The following SLCO2B1 variants were observed in gnomAD, a reference collection of about 807,000 sequenced individuals.
SLCO2B1 encodes solute carrier organic anion transporter family member 2B1, also known as OATP-RP2.
Under a neutral mutation model 67.3 loss-of-function variants are expected in SLCO2B1, and 41 were observed. That is an observed-to-expected ratio of 0.61 (90% confidence interval 0.47 to 0.79). The LOEUF (loss-of-function observed/expected upper bound fraction) is 0.79. SLCO2B1 is among the 30% of genes least tolerant of loss of function. The probability of loss-of-function intolerance (pLI) is 0.00; values close to 1 mark genes in which losing one functional copy is unlikely to be tolerated. For missense variants in SLCO2B1, 837 were observed against 920.1 expected (o/e 0.91, Z 1.17); for synonymous variants, 379 against 381.4 (o/e 0.99, Z 0.07).
intron 2 of SLCO2B1, 199 bp downstream of exon 2, chr11:75,162,984 T>G: frequency 1.8e-6 from 1 of 556,884 alleles, no homozygotes; most frequent in Non-Finnish European, 3.1e-6. Flanking sequence ...CAGTACATGT[T>G]CGCTCCTCCC....
At position 75,164,051 on chromosome 11, in the gene SLCO2B1, G is replaced by T; in HGVS notation, c.236G>T (p.Arg79Leu). 6.2e-6 allele frequency: 10 copies of T among 1,607,594 alleles called. No homozygotes were observed. The highest frequency in any genetic ancestry group is 7.6e-6 in the Non-Finnish European group (9 of 1,177,216). Residue 79 changes from arginine to leucine, a missense_variant, in exon 3 of 14, where the codon CGC (arginine) becomes CTC (leucine). Transcript: ENST00000289575. ...LKSSISTVEK[R>L]FGLSSQTSGL... ...AGCTCCATCTCCACAGTGGAGAAGC[G>T]CTTCGGCCTCTCCAGCCAGACGTCG...
rs1458186729 is a variant in SLCO2B1 at position 75,173,278 on chromosome 11, G to A, written c.972+709G>A. ...TCTGGGAAGACTTCCCTGAAGAGGAGGGATTTCAGCTGGACTTTGAAGGAT... is the reference window on the plus strand; with the variant it reads ...TCTGGGAAGACTTCCCTGAAGAGGAAGGATTTCAGCTGGACTTTGAAGGAT... On this transcript the variant is annotated intron_variant, in intron 7 of 13. Coordinates refer to ENST00000289575, the MANE Select transcript of SLCO2B1 (RefSeq NM_007256.5). Among the ~76,000 whole-genome samples, 4 of 152,240 alleles carry A rather than the reference G, an allele frequency of 2.6e-5. No homozygotes were observed. The East Asian group carries it at 7.7e-4, about 29-fold the overall frequency.
At chr11:75,201,985 G>A (rs1220560104) in intron 11 of SLCO2B1, 1 of 152,050 alleles carries the variant, frequency 6.6e-6, no homozygotes, top group Non-Finnish European at 1.5e-5. Context: ...AGCTACTAGG[G>A]GCTGCTCACC....
chr11:75,170,895 G>A (rs975355880), intron 6 of SLCO2B1, among the ~76,000 whole-genome samples: 3 of 152,178 alleles, frequency 2.0e-5, no homozygotes, highest in South Asian at 2.1e-4. Context: ...CCAGGCAGAC[G>A]GGGTATCTCC....
intron 1 of SLCO2B1, 78 bp from the exon 2 acceptor site, chr11:75,162,577 G>A: frequency 6.7e-7 from 1 of 1,488,150 alleles, no homozygotes; most frequent in Non-Finnish European, 9.1e-7. Context: ...TGGTTCTGAG[G>A]TCTAGGGCTA....
At chr11:75,177,669 T>G (rs562000398) in intron 7 of SLCO2B1, among the ~76,000 whole-genome samples, 39 of 152,274 alleles carry the variant, frequency 2.6e-4, no homozygotes, top group African/African-American at 9.4e-4. Context: ...CTGGCAACCT[T>G]CACTTAACCC....
Position 75,193,285 on chromosome 11 carries a change from A to G in SLCO2B1, c.1143A>G (p.Val381=), listed in dbSNP as rs202195350. 2 of 1,613,890 alleles carry G rather than the reference A, an allele frequency of 1.2e-6. No individual in the cohort carries two copies. The highest frequency in any genetic ancestry group is 3.3e-5 in the Admixed American group (2 of 60,010). Reference sequence around the variant, plus strand: ...TCCTGCTGGTGGTCCTGTCCCAGGTATGCTTGTCATCCATGGCTGCGGGCA... The same window carrying G: ...TCCTGCTGGTGGTCCTGTCCCAGGTGTGCTTGTCATCCATGGCTGCGGGCA... ...PIFLLVVLSQ[V]CLSSMAAGMA... The change falls in exon 9 of 14, where the codon GTA becomes GTG. Residue 381 remains valine, a synonymous_variant. Transcript: ENST00000289575. The surrounding 1 kb of genome is among the most constrained non-coding windows in gnomAD (Gnocchi z 4.2).
intron 11 of SLCO2B1, chr11:75,202,595 G>C: frequency 2.6e-6 from 1 of 389,114 alleles, no homozygotes; most frequent in Non-Finnish European, 4.7e-6. Flanking sequence ...GTAGGAGTAA[G>C]GGGAGAATTT....
At chr11:75,165,257 C>T (rs901535596) in intron 3 of SLCO2B1, among the ~76,000 whole-genome samples, 2 of 152,046 alleles carry the variant, frequency 1.3e-5, no homozygotes, top group Admixed American at 1.3e-4. Flanking sequence ...CATGGTGAAA[C>T]CCCGTCTCTA....
intron 10 of SLCO2B1, chr11:75,199,938 G>A: frequency 2.2e-6 from 1 of 448,060 alleles, no homozygotes. Context: ...GTGGGGGAAT[G>A]ATGCTCTCCT....
In SLCO2B1 at chr11:75,177,279, A is replaced by G. The variant is rs1950037186; in HGVS notation, c.972+4710A>G. 2.6e-5 allele frequency among the ~76,000 whole-genome samples: 4 copies of G among 152,182 alleles called. No homozygotes were observed. The South Asian group carries it at 8.3e-4, about 32-fold the overall frequency. On this transcript the variant is annotated intron_variant, in intron 7 of 13. Coordinates refer to ENST00000289575, the MANE Select transcript of SLCO2B1 (RefSeq NM_007256.5). The stretch of plus-strand genomic sequence containing the variant: ...TCTAAAGAATAAGATTTCAGTTGGG[A>G]AAAGGGTTCTGTTCCTAAAAACCAG...
At chr11:75,162,841 G>C in intron 2 of SLCO2B1, 56 bp downstream of exon 2, 1 of 1,570,094 alleles carries the variant, frequency 6.4e-7, no homozygotes, top group Non-Finnish European at 8.6e-7. Context: ...GCTCTGCCAC[G>C]TGCTGGTGGT....
intron 8 of SLCO2B1, among the ~76,000 whole-genome samples, chr11:75,190,281 AG>A (rs1348169786): frequency 6.6e-6 from 1 of 152,246 alleles, no homozygotes; most frequent in Admixed American, 6.5e-5. Context: ...GAATCAGGGC[AG>A]GGGTGCCCTC....
chr11:75,200,047 C>T (rs187569551), intron 10 of SLCO2B1, 177 bp from the exon 11 acceptor site: 3 of 594,898 alleles, frequency 5.0e-6, no homozygotes, highest in East Asian at 6.0e-5. Context: ...CCTTGAGGTG[C>T]CTGCTCCTCA....
intron 10 of SLCO2B1, among the ~76,000 whole-genome samples, 184 bp downstream of exon 10, chr11:75,196,863 C>T (rs1041934572): frequency 6.6e-6 from 1 of 152,240 alleles, no homozygotes; most frequent in Non-Finnish European, 1.5e-5. Flanking sequence ...GGAGCAGTGG[C>T]TTATGCCTGT....
chr11:75,189,982 CTT>C (rs1944994287), intron 8 of SLCO2B1, among the ~76,000 whole-genome samples: 1 of 146,260 alleles, frequency 6.8e-6, no homozygotes, highest in African/African-American at 2.6e-5. Context: ...AAAAAAAAGA[CTT>C]GATGTTGGGA....
At chr11:75,175,701 C>T (rs1434315596) in intron 7 of SLCO2B1, among the ~76,000 whole-genome samples, 1 of 152,046 alleles carries the variant, frequency 6.6e-6, no homozygotes, top group Non-Finnish European at 1.5e-5. Context: ...GACTCACTGT[C>T]TCTGGAGAAA....
intron 7 of SLCO2B1, among the ~76,000 whole-genome samples, chr11:75,187,152 C>T (rs371584265): frequency 2.0e-5 from 3 of 152,256 alleles, no homozygotes; most frequent in African/African-American, 4.8e-5. Context: ...TGTGAGGTTT[C>T]GGTAAGTTAT....
At chr11:75,199,412 T>G (rs1433282822) in intron 10 of SLCO2B1, 1 of 152,422 alleles carries the variant, frequency 6.6e-6, no homozygotes, top group African/African-American at 2.4e-5. Context: ...CTCCTTGGCC[T>G]GCCTCCCCGA....
Sources: allele counts gnomAD v4.1 joint callset (sites outside exome capture counted in the v4.1 genomes callset), GRCh38; gene constraint gnomAD v4.1.1; non-coding constraint Gnocchi (gnomAD v3.1); transcripts MANE v1.5; gene names NCBI Gene and HGNC (gene_info 2026-07-23, HGNC 2026-07-21).